Variants in PCDHGA3 observed in about 807,000 individuals in gnomAD.
PCDHGA3 encodes the protein protocadherin gamma subfamily A, 3.
PCDHGA3 carries 40 observed loss-of-function variants against 58.5 expected under a neutral mutation model. The ratio of observed to expected loss-of-function variants is 0.68; its 90% CI spans 0.53 to 0.89. The LOEUF (loss-of-function observed/expected upper bound fraction) is 0.89, where lower values mean the gene tolerates loss of function less well. Ranked by LOEUF, PCDHGA3 falls within the 40% of genes least tolerant of loss-of-function variation. PCDHGA3 has a pLI of 0.00. For synonymous variants in PCDHGA3, 530 were observed against 525.7 expected (o/e 1.01, Z -0.11); for missense variants, 1,223 against 1,195.9 (o/e 1.02, Z -0.33).
intron 1 of PCDHGA3, chr5:141,362,322 T>C (rs369360424): frequency 6.2e-7 from 1 of 1,614,066 alleles, no homozygotes; most frequent in South Asian, 1.1e-5. Flanking sequence ...GTTTTCAGCC[T>C]GGTCTCAGCT....
At chr5:141,415,259 T>C (rs778452630) in intron 1 of PCDHGA3, 1 of 1,614,108 alleles carries the variant, frequency 6.2e-7, no homozygotes, top group Non-Finnish European at 8.5e-7. Flanking sequence ...GACCTCACTC[T>C]GTACCTGGTG....
chr5:141,384,934 G>C lies in PCDHGA3; in HGVS notation c.2424+38477G>C, dbSNP rs750109041. Reference sequence around the variant, plus strand: ...AGTCTTGGCCGACCTGGGCAGCCTTGAGCCCTCCGACGGTCCTTACAACTA... The same window carrying C: ...AGTCTTGGCCGACCTGGGCAGCCTTCAGCCCTCCGACGGTCCTTACAACTA... On this transcript the variant is annotated intron_variant, in intron 1 of 3. Coordinates refer to ENST00000253812, the MANE Select transcript of PCDHGA3 (RefSeq NM_018916.4). 2.9e-5 allele frequency: 47 copies of C among 1,614,050 alleles called. No homozygotes were observed. In the East Asian group the frequency reaches 1.0e-3, roughly 34 times the overall value.
chr5:141,352,617 G>T, intron 1 of PCDHGA3: 3 of 1,613,100 alleles, frequency 1.9e-6, no homozygotes, highest in Non-Finnish European at 2.5e-6. Context: ...ATGGTTGTAT[G>T]TGCCAGTAAT....
chr5:141,350,711 CT>C, intron 1 of PCDHGA3: 1 of 1,613,962 alleles, frequency 6.2e-7, no homozygotes, highest in Non-Finnish European at 8.5e-7. Flanking sequence ...AAAATTCTCT[CT>C]GGATTCTGCT....
intron 1 of PCDHGA3, chr5:141,383,413 C>T (rs1160072155): frequency 6.2e-7 from 1 of 1,614,020 alleles, no homozygotes. Context: ...GAGTTACCAG[C>T]TCAGCCCCAA....
At position 141,485,576 on chromosome 5, in the gene PCDHGA3, C is replaced by A; in HGVS notation, c.2425-9231C>A. 1 of 1,612,412 alleles carries A rather than the reference C, an allele frequency of 6.2e-7. No individual in the cohort carries two copies. The highest frequency in any genetic ancestry group is 8.5e-7 in the Non-Finnish European group (1 of 1,178,628). On this transcript the variant is annotated intron_variant, in intron 1 of 3. Transcript: ENST00000253812. The surrounding 1 kb of genome is among the most constrained non-coding windows in gnomAD (Gnocchi z 5.7). ...GAATGATCACGCCCCCCGTTTTCCGCGGCAGCAGCTGGACTTGGAAATTGG... is the reference window on the plus strand; with the variant it reads ...GAATGATCACGCCCCCCGTTTTCCGAGGCAGCAGCTGGACTTGGAAATTGG...
At position 141,371,437 on chromosome 5, in the gene PCDHGA3, C is replaced by A. The variant is rs1330238991; in HGVS notation, c.2424+24980C>A. 4 of 1,613,962 alleles carry A rather than the reference C, an allele frequency of 2.5e-6. 1 individual carries two copies. The highest frequency in any genetic ancestry group is 1.1e-5 in the South Asian group (1 of 91,078). On this transcript the variant is annotated intron_variant, in intron 1 of 3. Coordinates refer to ENST00000253812, the MANE Select transcript of PCDHGA3 (RefSeq NM_018916.4). ...GAAAATGACAATGCCCCGGAGATAACCCTGGCTTCTGAATCCCAACATATA... is the reference window on the plus strand; with the variant it reads ...GAAAATGACAATGCCCCGGAGATAAACCTGGCTTCTGAATCCCAACATATA...
At chr5:141,356,456 AC>A in intron 1 of PCDHGA3, 1 of 1,613,458 alleles carries the variant, frequency 6.2e-7, no homozygotes. Context: ...TCAGAATATA[AC>A]ATCACTGTAA....
At chr5:141,508,792 C>T (rs1198342551) in intron 3 of PCDHGA3, among the ~76,000 whole-genome samples, 3 of 152,130 alleles carry the variant, frequency 2.0e-5, no homozygotes, top group Admixed American at 6.5e-5. Flanking sequence ...CTAAATCACT[C>T]TGGAATCCTG....
At chr5:141,478,329 C>T (rs1295950117) in intron 1 of PCDHGA3, 1 of 1,613,982 alleles carries the variant, frequency 6.2e-7, no homozygotes, top group African/African-American at 1.3e-5. Context: ...TACCGAACAC[C>T]AGGGCCCTCC....
intron 1 of PCDHGA3, chr5:141,372,797 C>A (rs1216879551): frequency 3.1e-6 from 5 of 1,597,434 alleles, no homozygotes; most frequent in Non-Finnish European, 3.4e-6. Context: ...CTAATTCAGG[C>A]AATTTGCAAA....
intron 1 of PCDHGA3, chr5:141,400,117 T>C (rs2093964744): frequency 1.2e-6 from 2 of 1,614,050 alleles, no homozygotes; most frequent in Non-Finnish European, 1.7e-6. Context: ...TGCTGACAGC[T>C]TGCAGGAGGT....
rs1357901633 is a variant in PCDHGA3, at chr5:141,476,594, C to G, written c.2425-18213C>G. On this transcript the variant is annotated intron_variant, in intron 1 of 3. Transcript: ENST00000253812. This position sits in a 1 kb window ranked among gnomAD's most constrained non-coding sequence, Gnocchi z 7.6. ...GACGCGCTTTCCGCTCGAGAGCGCG[C>G]ACGATCCCGATGTGGGAAGCAACTC... The G allele has an allele frequency of 3.7e-6, 6 of 1,614,242 alleles. No homozygotes were observed. The highest frequency in any genetic ancestry group is 4.2e-6 in the Non-Finnish European group (5 of 1,180,040).
At chr5:141,394,168 T>G in intron 1 of PCDHGA3, 1 of 1,613,752 alleles carries the variant, frequency 6.2e-7, no homozygotes, top group Non-Finnish European at 8.5e-7. Flanking sequence ...CCTCCTACTT[T>G]CCCTCATGCC....
chr5:141,357,471 C>G, intron 1 of PCDHGA3: 2 of 1,614,206 alleles, frequency 1.2e-6, no homozygotes, highest in East Asian at 2.2e-5. Context: ...CCCACGAGGT[C>G]TCCCTCACCG....
Position 141,357,641 on chromosome 5 carries a change from G to A in PCDHGA3, c.2424+11184G>A, listed in dbSNP as rs773379210. On this transcript the variant is annotated intron_variant, in intron 1 of 3. Coordinates refer to ENST00000253812, the MANE Select transcript of PCDHGA3 (RefSeq NM_018916.4). Reference sequence around the variant, plus strand: ...CTTCAGGTGAGTCAATCTTATAATAGATCATACCACACTGAAATATAGACA... The same window carrying A: ...CTTCAGGTGAGTCAATCTTATAATAAATCATACCACACTGAAATATAGACA... 6 of 1,611,778 alleles carry A rather than the reference G, an allele frequency of 3.7e-6. No individual in the cohort carries two copies. In the Admixed American group the frequency reaches 1.0e-4, roughly 27 times the overall value.
intron 1 of PCDHGA3, chr5:141,378,905 C>T (rs1043140389): frequency 1.3e-5 from 2 of 152,088 alleles, no homozygotes; most frequent in African/African-American, 4.8e-5. Context: ...ATTCTGTTAT[C>T]GACAGTCTTC....
chr5:141,355,198 G>A (rs748031143), intron 1 of PCDHGA3: 2 of 1,596,582 alleles, frequency 1.3e-6, no homozygotes, highest in East Asian at 2.2e-5. Flanking sequence ...CGGCGGGGTT[G>A]TAATGGCGGC....
chr5:141,395,716 T>C (rs2093303538), intron 1 of PCDHGA3: 1 of 154,332 alleles, frequency 6.5e-6, no homozygotes, highest in Non-Finnish European at 1.4e-5. Context: ...AACTAGGCTC[T>C]TGTAGATTTC....
Sources: gnomAD v4.1 joint callset for allele counts (sites outside exome capture counted in the v4.1 genomes callset) on GRCh38, gnomAD v4.1.1 for gene constraint, Gnocchi (gnomAD v3.1) non-coding constraint, MANE v1.5 for transcripts, NCBI Gene and HGNC (gene_info 2026-07-23, HGNC 2026-07-21) for gene names.